Variants in MYL5 observed in about 807,000 individuals in gnomAD.
The protein encoded by MYL5 is myosin regulatory light chain 5.
Under a neutral mutation model 20.8 loss-of-function variants are expected in MYL5, and 28 were observed. The ratio of observed to expected loss-of-function variants is 1.35; its 90% CI spans 1.00 to 1.84. The LOEUF (loss-of-function observed/expected upper bound fraction) is 1.84, where lower values mean the gene tolerates loss of function less well. MYL5 is among the 40% of genes most tolerant of loss of function. The probability of loss-of-function intolerance (pLI) is 0.00; values close to 1 mark genes in which losing one functional copy is unlikely to be tolerated. For missense variants in MYL5, 274 were observed against 227.3 expected (o/e 1.21, Z -1.32); for synonymous variants, 118 against 87.4 (o/e 1.35, Z -1.95).
upstream of MYL5, chr4:677,790 G>A (rs1738994349): frequency 1.1e-5 from 7 of 640,722 alleles, 1 homozygote; most frequent in Middle Eastern, 1.6e-3. Context: ...GGTAGTCCTG[G>A]CCAGAGGTAT....
At chr4:680,660 C>A (rs1739378793) in intron 5 of MYL5, 73 bp downstream of exon 7, 1 of 1,493,100 alleles carries the variant, frequency 6.7e-7, no homozygotes, top group Non-Finnish European at 9.2e-7. Flanking sequence ...CCAAAAGGGA[C>A]AGTCAGCCAC....
At chr4:678,142 G>A in intron 1 of MYL5, 113 bp downstream of exon 3, 1 of 1,554,792 alleles carries the variant, frequency 6.4e-7, no homozygotes, top group Non-Finnish European at 8.7e-7. Context: ...TGTGAATGCA[G>A]GTGTGGGCGT....
At chr4:678,926 G>A (rs764634912) in intron 2 of MYL5, 32 bp from the exon 5 acceptor site, 12 of 1,612,730 alleles carry the variant, frequency 7.4e-6, no homozygotes, top group Non-Finnish European at 1.0e-5. Context: ...CAGCCGGGTT[G>A]GCAGCACAGC....
At chr4:676,835 C>T (rs1321868152), upstream of MYL5, 5 of 971,832 alleles carry the variant, frequency 5.1e-6, no homozygotes, top group Non-Finnish European at 6.1e-6. Flanking sequence ...TTGCAGTCGG[C>T]CCCAGGTCCC....
chr4:677,009 C>G, upstream of MYL5: 2 of 864,278 alleles, frequency 2.3e-6, no homozygotes, highest in Non-Finnish European at 2.8e-6. Context: ...GCAAGTGGCA[C>G]CTGTCTTTTT....
chr4:675,063 A>T (rs1738739161), upstream of MYL5: 1 of 152,202 alleles, frequency 6.6e-6, no homozygotes, highest in Non-Finnish European at 1.5e-5. Flanking sequence ...AGGCCTCAGG[A>T]CTCCACGGCT....
intron 5 of MYL5, 32 bp from the exon 8 acceptor site, chr4:681,060 C>T (rs1400186180): frequency 1.0e-5 from 16 of 1,575,212 alleles, no homozygotes; most frequent in Admixed American, 3.7e-5. Context: ...ACCCCCGCAT[C>T]AGCCCGCGCT....
chr4:678,853 G>C, intron 2 of MYL5, 88 bp downstream of exon 4: 1 of 1,607,838 alleles, frequency 6.2e-7, no homozygotes, highest in Non-Finnish European at 8.5e-7. Context: ...GGGCCAGCAG[G>C]AGTGGAAGCC....
chr4:676,427 G>T (rs148050884), upstream of MYL5: 2 of 152,372 alleles, frequency 1.3e-5, no homozygotes, highest in East Asian at 3.9e-4. Context: ...GAAGCCAATG[G>T]AGACTTGCCT....
chr4:678,344 C>T lies in MYL5; in HGVS notation c.4-314C>T, dbSNP rs559930750. Reference sequence around the variant, plus strand: ...CCAGAACAAGCCCACCCAGAGTCCACTTGCCCCTCAAGCCTTCAGAGGCCA... The same window carrying T: ...CCAGAACAAGCCCACCCAGAGTCCATTTGCCCCTCAAGCCTTCAGAGGCCA... On this transcript the variant is annotated intron_variant, in intron 1 of 6. Coordinates refer to ENST00000400159, the Ensembl canonical transcript of MYL5. The T allele has an allele frequency of 4.4e-5, 63 of 1,416,456 alleles. No individual in the cohort carries two copies. The African/African-American group carries it at 7.9e-4, about 18-fold the overall frequency. The allele number at this position is 1,416,456 out of a possible 1,614,324, so 87.7% of individuals were successfully genotyped here. A position where few individuals can be genotyped will look rare whatever the true frequency, so the allele number is the denominator to read the frequency against.
Position 680,598 on chromosome 4 carries a change from G to T in MYL5, c.371+11G>T, listed in dbSNP as rs572105459. On this transcript the variant is annotated intron_variant, in intron 5 of 6. Coordinates refer to ENST00000400159, the Ensembl canonical transcript of MYL5. ...AATCAACAAGGAGTAGTGAGTGCCC[G>T]GGCGGCCAGGGCGGCCCGGCTTCCG... The T allele has an allele frequency of 8.8e-5, 141 of 1,601,730 alleles. No homozygotes were observed. The highest frequency in any genetic ancestry group is 8.1e-4 in the Admixed American group (48 of 59,244).
In MYL5 at chr4:681,380, C is replaced by T. The variant is rs990682253; in HGVS notation, c.420+240C>T. Among the ~76,000 whole-genome samples, 12 of 152,110 alleles carry T rather than the reference C, an allele frequency of 7.9e-5. No individual in the cohort carries two copies. In the South Asian group the frequency reaches 1.0e-3, roughly 13 times the overall value. On this transcript the variant is annotated intron_variant, in intron 6 of 6. Transcript: ENST00000400159. ...TCAGCGGCTGGAGACCCCTCCGCGG[C>T]CTGAGCGTCTGTCCCAGCCGGAGGG... is the stretch of plus-strand genomic sequence containing the variant.
chr4:674,848 C>T (rs1738725159), upstream of MYL5: 1 of 152,858 alleles, frequency 6.5e-6, no homozygotes, highest in South Asian at 1.9e-4. Context: ...GGCCGGGCCG[C>T]GTTGGATTCC....
upstream of MYL5, chr4:676,082 A>G (rs1025291922): frequency 6.6e-6 from 1 of 152,230 alleles, no homozygotes; most frequent in African/African-American, 2.4e-5. Context: ...GGGGGCCAGA[A>G]GCAAACTCCA....
rs1371179376 is a variant in MYL5, at chr4:679,954, CAA to C, written c.230_231del (p.Lys77ArgfsTer30). ...AGGACGACGAGCTGGACGCCATGCT[CAA>C]AGAGGCCTCGGGGCCCATCAACTTC... is the stretch of plus-strand genomic sequence containing the variant. On this transcript the variant is annotated frameshift_variant, in exon 4 of 7. Coordinates refer to ENST00000400159, the Ensembl canonical transcript of MYL5. LOFTEE classifies it high-confidence loss of function. 2 of 1,613,670 alleles carry C rather than the reference CAA, an allele frequency of 1.2e-6. No homozygotes were observed. The highest frequency in any genetic ancestry group is 1.3e-5 in the African/African-American group (1 of 74,928).
intron 6 of MYL5, 66 bp from the exon 9 acceptor site, chr4:681,826 CG>C: frequency 7.9e-7 from 1 of 1,273,402 alleles, no homozygotes; most frequent in Non-Finnish European, 1.0e-6. Flanking sequence ...CACCCGGGGC[CG>C]CTGCAGGTGC....
At chr4:677,949 C>T (rs763044882) in exon 1 of MYL5, 592 of 1,612,146 alleles carry the variant, frequency 3.7e-4, no homozygotes, top group Non-Finnish European at 4.7e-4. Flanking sequence ...CTGAACTGTC[C>T]TGGGGGACCA....
Position 681,097 on chromosome 4 carries a change from AG to A in MYL5, c.378del (p.Lys126AsnfsTer4), listed in dbSNP as rs1739440042. ...ACCCCTTTCCTCGTCCTCAGCATCAAGCGTCTGCTGATGTCCCAGGCTGACA... is the reference window on the plus strand; with the variant it reads ...ACCCCTTTCCTCGTCCTCAGCATCAACGTCTGCTGATGTCCCAGGCTGACA... On this transcript the variant is annotated frameshift_variant, in exon 6 of 7. Transcript: ENST00000400159. LOFTEE classifies it low-confidence loss of function (END_TRUNC). 2.5e-6 allele frequency: 4 copies of A among 1,603,580 alleles called. No homozygotes were observed. The highest frequency in any genetic ancestry group is 2.7e-5 in the African/African-American group (2 of 74,892).
chr4:678,190 A>G lies in MYL5; in HGVS notation c.3+161A>G. ...CATATGTGTGTGCATGAGCGTGTGT[A>G]TGTGCGTGTGTGTGACCTTGCGGGT... On this transcript the variant is annotated intron_variant, in intron 1 of 6. Transcript: ENST00000400159. The G allele has an allele frequency of 4.6e-6, 7 of 1,528,714 alleles. No homozygotes were observed. In the South Asian group the frequency reaches 6.1e-5, roughly 13 times the overall value. The allele number at this position is 1,528,714 out of a possible 1,614,324, so 94.7% of individuals were successfully genotyped here. A position where few individuals can be genotyped will look rare whatever the true frequency, so the allele number is the denominator to read the frequency against.
Sources: gnomAD v4.1 joint callset for allele counts (sites outside exome capture counted in the v4.1 genomes callset) on GRCh38, gnomAD v4.1.1 for gene constraint, MANE v1.5 for transcripts, NCBI Gene and HGNC (gene_info 2026-07-23, HGNC 2026-07-21) for gene names.